The following PCDH7 variants were observed in gnomAD, a reference collection of about 807,000 sequenced individuals.
The protein encoded by PCDH7 is protocadherin-7.
PCDH7 carries 17 observed loss-of-function variants against 58.9 expected under a neutral mutation model. The observed-to-expected ratio is 0.29, with a 90% confidence interval of 0.20 to 0.43. The LOEUF is 0.43. Among genes scored for constraint, PCDH7 ranks in the 20% least tolerant of loss-of-function variants. The pLI is 1.00. For missense variants in PCDH7, 1,274 were observed against 1,441.0 expected (o/e 0.88, Z 1.88); for synonymous variants, 664 against 616.4 (o/e 1.08, Z -1.14).
chr4:30,845,173 A>G (rs548518120), intron 1 of PCDH7, among the ~76,000 whole-genome samples: 1 of 152,294 alleles, frequency 6.6e-6, no homozygotes, highest in East Asian at 1.9e-4. Context: ...CTAAAATTCA[A>G]TCTACTTAAT....
At chr4:31,101,708 G>T (rs755255083) in intron 3 of PCDH7, among the ~76,000 whole-genome samples, 55 of 152,098 alleles carry the variant, frequency 3.6e-4, no homozygotes, top group Non-Finnish European at 2.9e-4. Flanking sequence ...TTGACCTTTA[G>T]ATTTTCCTTT....
intron 3 of PCDH7, among the ~76,000 whole-genome samples, chr4:31,000,091 A>G (rs542500967): frequency 6.6e-6 from 1 of 152,232 alleles, no homozygotes; most frequent in East Asian, 1.9e-4. Context: ...TGTGTGGCAT[A>G]ATAGCTATAT....
At chr4:30,936,904 G>A (rs1745407285) in intron 2 of PCDH7, among the ~76,000 whole-genome samples, 1 of 151,890 alleles carries the variant, frequency 6.6e-6, no homozygotes, top group Non-Finnish European at 1.5e-5. Context: ...CTTTATTTAT[G>A]GTTCAACTTG....
rs71190491 is a variant in PCDH7 at position 31,108,369 on chromosome 4, TAAAAAAAAAAAAAAAAAAAAAAA to T, written c.*8-34086_*8-34064del. Among the ~76,000 whole-genome samples, 62 of 60,084 alleles carry T rather than the reference TAAAAAAAAAAAAAAAAAAAAAAA, an allele frequency of 1.0e-3. 1 individual carries two copies. The highest frequency in any genetic ancestry group is 5.5e-3 in the South Asian group (10 of 1,804). 39.4% of individuals were successfully genotyped at this position (60,084 alleles called of 152,430 possible). On this transcript the variant is annotated intron_variant, in intron 3 of 3. Coordinates refer to the PCDH7 transcript ENST00000509759. The stretch of plus-strand genomic sequence containing the variant: ...GTAGACTGTAACATACAGCATACAG[TAAAAAAAAAAAAAAAAAAAAAAA>T]AAAAAAAAAAAAAAAAATCACTTTC...
chr4:30,907,074 T>C (rs995561613), intron 1 of PCDH7, among the ~76,000 whole-genome samples: 1 of 152,096 alleles, frequency 6.6e-6, no homozygotes, highest in Non-Finnish European at 1.5e-5. Flanking sequence ...ATTTTTAAAA[T>C]GTGCATTGTT....
chr4:31,125,449 C>T (rs1326406804), intron 3 of PCDH7, among the ~76,000 whole-genome samples: 1 of 152,192 alleles, frequency 6.6e-6, no homozygotes, highest in African/African-American at 2.4e-5. Context: ...TTTGATTCAG[C>T]TTAGACAAAG....
chr4:30,879,084 A>G (rs1478959686), intron 1 of PCDH7, among the ~76,000 whole-genome samples: 1 of 150,866 alleles, frequency 6.6e-6, no homozygotes, highest in Non-Finnish European at 1.5e-5. Flanking sequence ...AGGTAAAGCC[A>G]CTGAACTTAG....
At position 31,125,060 on chromosome 4, in the gene PCDH7, G is replaced by A. The variant is rs78465538; in HGVS notation, c.*8-17413G>A. 1.2e-4 allele frequency among the ~76,000 whole-genome samples: 19 copies of A among 152,234 alleles called. No individual in the cohort carries two copies. The East Asian group carries it at 1.9e-3, about 15-fold the overall frequency. Reference sequence around the variant, plus strand: ...GTAGGATCTAAAATAGACCTATCCCGTGAAGATAAACCTGTTTTTTTTAGC... The same window carrying A: ...GTAGGATCTAAAATAGACCTATCCCATGAAGATAAACCTGTTTTTTTTAGC... On this transcript the variant is annotated intron_variant, in intron 3 of 3. Coordinates refer to the PCDH7 transcript ENST00000509759.
chr4:30,990,061 A>T (rs1409823559), intron 3 of PCDH7, among the ~76,000 whole-genome samples: 1 of 152,110 alleles, frequency 6.6e-6, no homozygotes, highest in Non-Finnish European at 1.5e-5. Context: ...TACAAAATTT[A>T]TTACACTAAT....
chr4:30,877,036 T>G (rs750437961), intron 1 of PCDH7, among the ~76,000 whole-genome samples: 36 of 152,084 alleles, frequency 2.4e-4, no homozygotes, highest in Non-Finnish European at 4.0e-4. Flanking sequence ...TTTCTTGTTT[T>G]CAATTTTTTT....
intron 1 of PCDH7, among the ~76,000 whole-genome samples, chr4:30,826,729 TCTTA>T (rs1729130646): frequency 1.3e-5 from 2 of 152,036 alleles, no homozygotes; most frequent in South Asian, 2.1e-4. Flanking sequence ...GAAATTTTTA[TCTTA>T]CTTTATTTTT....
At chr4:30,725,184 G>A (rs1181489888) in intron 1 of PCDH7, 5 of 999,548 alleles carry the variant, frequency 5.0e-6, no homozygotes, top group South Asian at 9.4e-5. Context: ...ATATGCAAAT[G>A]TCATGCAAAA....
At chr4:30,906,708 G>A (rs920123448) in intron 1 of PCDH7, among the ~76,000 whole-genome samples, 1 of 152,108 alleles carries the variant, frequency 6.6e-6, no homozygotes. Flanking sequence ...CTTGAATATT[G>A]CATTTCAAGG....
intron 2 of PCDH7, among the ~76,000 whole-genome samples, chr4:30,924,676 A>G (rs1168053866): frequency 6.6e-6 from 1 of 152,148 alleles, no homozygotes; most frequent in Non-Finnish European, 1.5e-5. Context: ...AGATCCCACT[A>G]TGCAAGAACC....
intron 1 of PCDH7, among the ~76,000 whole-genome samples, chr4:30,914,007 A>G (rs1742098671): frequency 6.6e-6 from 1 of 152,058 alleles, no homozygotes; most frequent in Non-Finnish European, 1.5e-5. Flanking sequence ...TCTCACCCAC[A>G]TTTTAGGGCA....
At chr4:30,732,839 A>G (rs965929092) in exon 2 of PCDH7, 1 of 152,244 alleles carries the variant, frequency 6.6e-6, no homozygotes, top group African/African-American at 2.4e-5. Context: ...CAAGGATTTT[A>G]GTGTACTATT....
intron 1 of PCDH7, among the ~76,000 whole-genome samples, chr4:30,872,901 G>A (rs1191655428): frequency 6.6e-6 from 1 of 152,022 alleles, no homozygotes; most frequent in Admixed American, 6.6e-5. Flanking sequence ...GTTAATACAT[G>A]TCAAGAATCA....
intron 3 of PCDH7, among the ~76,000 whole-genome samples, chr4:31,008,259 G>T (rs997065709): frequency 1.3e-5 from 2 of 152,182 alleles, no homozygotes; most frequent in South Asian, 2.1e-4. Context: ...TTCATTAGTT[G>T]CAATTTTGGT....
downstream of PCDH7, chr4:31,144,412 C>T (rs1373516734): frequency 1.3e-5 from 2 of 152,158 alleles, no homozygotes; most frequent in South Asian, 2.1e-4. Flanking sequence ...TAGAGGATAA[C>T]CTAACACGGC....
Sources: allele counts gnomAD v4.1 joint callset (sites outside exome capture counted in the v4.1 genomes callset), GRCh38; gene constraint gnomAD v4.1.1; transcripts MANE v1.5; gene names NCBI Gene and HGNC (gene_info 2026-07-23, HGNC 2026-07-21).